The following KCNMA1 variants were observed in gnomAD, a reference collection of about 807,000 sequenced individuals.
The protein encoded by KCNMA1 is Calcium-activated potassium channel subunit alpha-1.
Under a neutral mutation model 140.0 loss-of-function variants are expected in KCNMA1, and 29 were observed. That is an observed-to-expected ratio of 0.21 (90% CI 0.15 to 0.28). The LOEUF (loss-of-function observed/expected upper bound fraction) is 0.28, where lower values mean the gene tolerates loss of function less well. Among genes scored for constraint, KCNMA1 ranks in the 10% least tolerant of loss-of-function variants. KCNMA1 has a pLI of 1.00. For missense variants in KCNMA1, 880 were observed against 1,602.2 expected, an observed-to-expected ratio of 0.55 and a Z score of 7.70; for synonymous variants, 612 against 611.9, an observed-to-expected ratio of 1.00 and a Z score of 0.00.
At chr10:77,579,783 G>A (rs540082925) in intron 1 of KCNMA1, among the ~76,000 whole-genome samples, 1 of 152,304 alleles carries the variant, frequency 6.6e-6, no homozygotes, top group South Asian at 2.1e-4. Context: ...GATGGTTTAG[G>A]TGGAAGACAG....
At chr10:77,465,106 C>T (rs952556828) in intron 1 of KCNMA1, among the ~76,000 whole-genome samples, 11 of 152,288 alleles carry the variant, frequency 7.2e-5, no homozygotes, top group East Asian at 1.9e-4. Flanking sequence ...AGTTCTGAGA[C>T]GGCCAGGCCT....
intron 1 of KCNMA1, among the ~76,000 whole-genome samples, chr10:77,557,645 ATTTTTTT>A (rs148296325): frequency 6.6e-4 from 87 of 131,912 alleles, no homozygotes; most frequent in Admixed American, 1.0e-3. Flanking sequence ...CCAGGAAGTG[ATTTTTTT>A]TTTTTTTTTT....
intron 1 of KCNMA1, among the ~76,000 whole-genome samples, chr10:77,508,412 T>G (rs2046961068): frequency 6.7e-6 from 1 of 149,154 alleles, no homozygotes. Flanking sequence ...TTCAAACTCC[T>G]AGGCTCAAGC....
At chr10:77,172,893 C>G (rs1046155273) in intron 5 of KCNMA1, among the ~76,000 whole-genome samples, 1 of 152,022 alleles carries the variant, frequency 6.6e-6, no homozygotes, top group African/African-American at 2.4e-5. Flanking sequence ...CCATAGATGG[C>G]ACTTTCTTGT....
At chr10:77,039,364 G>T in intron 15 of KCNMA1, 164 bp downstream of exon 15, 1 of 676,092 alleles carries the variant, frequency 1.5e-6, no homozygotes, top group Non-Finnish European at 2.7e-6. Flanking sequence ...CAGAGGCCAT[G>T]TAATGACCCA....
At chr10:77,624,396 A>G (rs2092135427) in intron 1 of KCNMA1, among the ~76,000 whole-genome samples, 2 of 152,230 alleles carry the variant, frequency 1.3e-5, no homozygotes, top group South Asian at 2.1e-4. Context: ...ACAAAAACCT[A>G]TTTCTGAGAC....
chr10:77,256,059 G>C (rs1249629754), intron 2 of KCNMA1, among the ~76,000 whole-genome samples: 3 of 152,104 alleles, frequency 2.0e-5, no homozygotes, highest in Non-Finnish European at 4.4e-5. Flanking sequence ...TGTCTGACAA[G>C]GTTCATGAAA....
At chr10:76,966,867 C>G (rs1420249433) in intron 20 of KCNMA1, among the ~76,000 whole-genome samples, 6 of 152,192 alleles carry the variant, frequency 3.9e-5, no homozygotes, top group Admixed American at 1.3e-4. Flanking sequence ...TCAGCTCTAT[C>G]TGGACATGAG....
chr10:77,195,083 T>A (rs185720186), intron 3 of KCNMA1, among the ~76,000 whole-genome samples: 24 of 152,272 alleles, frequency 1.6e-4, no homozygotes, highest in African/African-American at 4.8e-4. Context: ...GGATTTTTTT[T>A]AAGAACACAC....
chr10:77,488,029 T>C (rs2098481458), intron 1 of KCNMA1, among the ~76,000 whole-genome samples: 1 of 152,192 alleles, frequency 6.6e-6, no homozygotes, highest in Non-Finnish European at 1.5e-5. Context: ...CTCAACTCTG[T>C]GAATATAGGC....
intron 1 of KCNMA1, among the ~76,000 whole-genome samples, chr10:77,442,773 G>A (rs1053374925): frequency 2.5e-4 from 38 of 152,042 alleles, no homozygotes; most frequent in Admixed American, 2.0e-3. Context: ...GTTTCTCCAC[G>A]CTCCCCTCCT....
intron 2 of KCNMA1, among the ~76,000 whole-genome samples, chr10:77,367,850 G>A (rs2154407702): frequency 6.6e-6 from 1 of 152,280 alleles, no homozygotes; most frequent in South Asian, 2.1e-4. Context: ...AAATGTTGTT[G>A]AGATTCATCC....
chr10:77,000,274 C>T (rs2085790407), intron 19 of KCNMA1, among the ~76,000 whole-genome samples: 1 of 152,164 alleles, frequency 6.6e-6, no homozygotes, highest in Admixed American at 6.5e-5. Flanking sequence ...TTCTATGCTA[C>T]CAAAACATGA....
chr10:77,489,735 T>A (rs971033423), intron 1 of KCNMA1, among the ~76,000 whole-genome samples: 1 of 152,242 alleles, frequency 6.6e-6, no homozygotes, highest in Non-Finnish European at 1.5e-5. Context: ...GAGCTTAATA[T>A]CACAAGAGAA....
chr10:77,216,811 C>G (rs1413961138), intron 3 of KCNMA1, among the ~76,000 whole-genome samples: 2 of 152,094 alleles, frequency 1.3e-5, no homozygotes, highest in Non-Finnish European at 2.9e-5. Context: ...CTGTGCACAT[C>G]ATTCATTTAA....
At chr10:77,527,294 AC>A (rs1297296968) in intron 1 of KCNMA1, among the ~76,000 whole-genome samples, 1 of 152,032 alleles carries the variant, frequency 6.6e-6, no homozygotes, top group Non-Finnish European at 1.5e-5. Flanking sequence ...TAGCCAGGCC[AC>A]CCCCTTCCCC....
At chr10:77,614,309 G>C (rs1457711591) in intron 1 of KCNMA1, among the ~76,000 whole-genome samples, 1 of 152,050 alleles carries the variant, frequency 6.6e-6, no homozygotes, top group African/African-American at 2.4e-5. Context: ...CCACGTGTTT[G>C]GTGCTGGGAA....
chr10:77,625,424 C>A (rs2092353580), intron 1 of KCNMA1, among the ~76,000 whole-genome samples: 1 of 152,066 alleles, frequency 6.6e-6, no homozygotes, highest in Non-Finnish European at 1.5e-5. Flanking sequence ...TGTAGTACTT[C>A]ACACTTAAAA....
In KCNMA1 at chr10:77,416,763, T is replaced by A. The variant is rs117506936; in HGVS notation, c.379-12740A>T. Among the ~76,000 whole-genome samples, 2,286 of 152,198 alleles carry A rather than the reference T, an allele frequency of 0.015. 123 individuals are homozygous for A. The East Asian group carries it at 0.2, about 13-fold the overall frequency. Reference sequence around the variant, plus strand: ...GTCTGCCTGATTTGCCCACTCCACATCCTCAAAGCCTGAACAGCACCTAGC... The same window carrying A: ...GTCTGCCTGATTTGCCCACTCCACAACCTCAAAGCCTGAACAGCACCTAGC... On this transcript the variant is annotated intron_variant, in intron 1 of 27. Transcript: ENST00000286628.
Sources: gnomAD v4.1 joint callset for allele counts (sites outside exome capture counted in the v4.1 genomes callset) on GRCh38, gnomAD v4.1.1 for gene constraint, MANE v1.5 for transcripts, NCBI Gene and HGNC (gene_info 2026-07-23, HGNC 2026-07-21) for gene names.